Variants in AP1M2 observed in about 807,000 individuals in gnomAD.
The protein encoded by AP1M2 is AP-1 complex subunit mu-2.
Under a neutral mutation model 54.6 loss-of-function variants are expected in AP1M2, and 41 were observed. The observed-to-expected ratio is 0.75, with a 90% confidence interval of 0.59 to 0.97. AP1M2 has a LOEUF of 0.97. Among genes scored for constraint, AP1M2 ranks in the 50% least tolerant of loss-of-function variants. AP1M2 has a pLI of 0.00. For synonymous variants in AP1M2, 219 were observed against 215.9 expected, an observed-to-expected ratio of 1.01 and a Z score of -0.13; for missense variants, 507 against 561.2, an observed-to-expected ratio of 0.90 and a Z score of 0.98.
In AP1M2 at chr19:10,583,589, G is replaced by A. The variant is rs759204708; in HGVS notation, c.267+17C>T. 6.3e-7 allele frequency: 1 copy of A among 1,579,364 alleles called. No homozygotes were observed. The highest frequency in any genetic ancestry group is 8.7e-7 in the Non-Finnish European group (1 of 1,152,706). On this transcript the variant is annotated intron_variant, in intron 3 of 11. Coordinates refer to ENST00000250244, the MANE Select transcript of AP1M2 (RefSeq NM_005498.5). ...TAGACGGATAGACCAGTTAGCCAAT[G>A]GGAGGCTAGTACCTACCTCTATTGT...
At position 10,581,737 on chromosome 19, in the gene AP1M2, G is replaced by C; in HGVS notation, c.398+11C>G. The C allele has an allele frequency of 6.2e-7, 1 of 1,613,018 alleles. No individual in the cohort carries two copies. The highest frequency in any genetic ancestry group is 8.5e-7 in the Non-Finnish European group (1 of 1,179,664). On this transcript the variant is annotated intron_variant, in intron 4 of 11. Coordinates refer to ENST00000250244, the MANE Select transcript of AP1M2 (RefSeq NM_005498.5). ...AGTCCAGCCCATGGCTGCCTCCAGG[G>C]GTCCACTCACTCCTGCAGGATCTTG...
At chr19:10,582,556 T>C (rs1463088483) in intron 3 of AP1M2, among the ~76,000 whole-genome samples, 1 of 151,860 alleles carries the variant, frequency 6.6e-6, no homozygotes, top group Non-Finnish European at 1.5e-5. Flanking sequence ...TGAGACCAGC[T>C]GGCCAACATG....
intron 1 of AP1M2, chr19:10,584,938 AAAC>A (rs1172081534): frequency 6.6e-6 from 1 of 151,820 alleles, no homozygotes; most frequent in Non-Finnish European, 1.5e-5. Flanking sequence ...CAAAAAAAAA[AAAC>A]AAAGAAGAGG....
intron 3 of AP1M2, 62 bp from the exon 4 acceptor site, chr19:10,581,940 A>C: frequency 9.5e-5 from 142 of 1,495,594 alleles, no homozygotes; most frequent in Middle Eastern, 4.5e-4. Flanking sequence ...ATAGTAGCTC[A>C]TGCCTGTAAC....
intron 9 of AP1M2, among the ~76,000 whole-genome samples, chr19:10,576,885 T>G (rs1273024949): frequency 1.3e-5 from 2 of 151,904 alleles, no homozygotes; most frequent in Non-Finnish European, 2.9e-5. Flanking sequence ...TTTTGTACTT[T>G]TACTAGAGAC....
intron 7 of AP1M2, among the ~76,000 whole-genome samples, chr19:10,579,271 C>T (rs962474504): frequency 2.0e-5 from 3 of 151,912 alleles, no homozygotes; most frequent in African/African-American, 7.2e-5. Context: ...AAAAAATTAG[C>T]TGGACACGGT....
chr19:10,574,358 G>A lies in AP1M2; in HGVS notation c.1249+59C>T, dbSNP rs114991947. 7.3e-4 allele frequency: 979 copies of A among 1,345,398 alleles called. 9 individuals carry two copies. The African/African-American group carries it at 0.012, about 17-fold the overall frequency. The allele number at this position is 1,345,398 out of a possible 1,614,324, so 83.3% of individuals were successfully genotyped here. The stretch of plus-strand genomic sequence containing the variant: ...TGAGCCAGAATGTGGTGAAAGCCTC[G>A]AGTCCCTACCCACTGCCTTTCCCTC... On this transcript the variant is annotated intron_variant, in intron 11 of 11. Coordinates refer to ENST00000250244, the MANE Select transcript of AP1M2 (RefSeq NM_005498.5).
chr19:10,581,204 C>G lies in AP1M2; in HGVS notation c.673+62G>C, dbSNP rs1051961547. ...GGGCTGCGATTCTCTTAAGTCCCCA[C>G]GTGGGGCGGGTTTGCGACTCCCCTG... On this transcript the variant is annotated intron_variant, in intron 6 of 11. Coordinates refer to ENST00000250244, the MANE Select transcript of AP1M2 (RefSeq NM_005498.5). 5 of 1,548,068 alleles carry G rather than the reference C, an allele frequency of 3.2e-6. No homozygotes were observed. The Admixed American group carries it at 8.0e-5, about 25-fold the overall frequency.
chr19:10,584,558 G>A (rs1003518976), intron 1 of AP1M2, among the ~76,000 whole-genome samples: 2 of 151,524 alleles, frequency 1.3e-5, no homozygotes, highest in Admixed American at 6.6e-5. Flanking sequence ...CCAGCCTGGC[G>A]ACAGAGCAAG....
chr19:10,576,252 C>T lies in AP1M2; in HGVS notation c.1047+946G>A, dbSNP rs1406739326. Among the ~76,000 whole-genome samples the T allele has an allele frequency of 1.1e-4, 15 of 142,310 alleles. No homozygotes were observed. In the East Asian group the frequency reaches 1.8e-3, roughly 17 times the overall value. 93.4% of individuals were successfully genotyped at this position (142,310 alleles called of 152,430 possible). A position where few individuals can be genotyped will look rare whatever the true frequency, so the allele number is the denominator to read the frequency against. On this transcript the variant is annotated intron_variant, in intron 9 of 11. Coordinates refer to ENST00000250244, the MANE Select transcript of AP1M2 (RefSeq NM_005498.5). ...TACTACAGGCGCACACCCCCATGCC[C>T]GGCTAATTTTTTTTTTTTTTTTTTT...
chr19:10,583,817 C>T, intron 2 of AP1M2, 97 bp downstream of exon 2: 1 of 1,500,182 alleles, frequency 6.7e-7, no homozygotes, highest in Non-Finnish European at 9.0e-7. Context: ...ATGTGCGGTG[C>T]AACTCCTGTC....
chr19:10,586,380 G>A (rs979538288), intron 1 of AP1M2, among the ~76,000 whole-genome samples: 13 of 149,620 alleles, frequency 8.7e-5, no homozygotes, highest in African/African-American at 2.5e-4. Flanking sequence ...GCTTCAACCC[G>A]GGAGGTGGAG....
intron 6 of AP1M2, among the ~76,000 whole-genome samples, chr19:10,580,922 T>TCCAG (rs1372432217): frequency 6.6e-6 from 1 of 151,998 alleles, no homozygotes; most frequent in Non-Finnish European, 1.5e-5. Context: ...ACCACTGCAC[T>TCCAG]CCAGCCTGGG....
In AP1M2 at chr19:10,587,196, C is replaced by CT. The variant is rs1453892444; in HGVS notation, c.35dup (p.Lys14GlnfsTer18). ...TCCTCATGCCCAGCCTCACCTTGCC[C>CT]TTAACGTCCAGAATGAAGACAGCCG... On this transcript the variant is annotated frameshift_variant, in exon 1 of 12. Coordinates refer to ENST00000250244, the MANE Select transcript of AP1M2 (RefSeq NM_005498.5). LOFTEE classifies it high-confidence loss of function. The CT allele has an allele frequency of 1.3e-6, 2 of 1,558,912 alleles. No individual in the cohort carries two copies. The highest frequency in any genetic ancestry group is 1.7e-6 in the Non-Finnish European group (2 of 1,151,348).
At chr19:10,574,581 A>G in intron 10 of AP1M2, 89 bp from the exon 11 acceptor site, 1 of 1,168,548 alleles carries the variant, frequency 8.6e-7, no homozygotes, top group East Asian at 2.6e-5. Flanking sequence ...CCAAGCGGCT[A>G]TGTGGCACAG....
At chr19:10,580,647 G>A (rs12978228) in intron 6 of AP1M2, among the ~76,000 whole-genome samples, 1 of 151,686 alleles carries the variant, frequency 6.6e-6, no homozygotes, top group Non-Finnish European at 1.5e-5. Flanking sequence ...GGGTGACGGA[G>A]CGAGACTCCA....
Position 10,583,644 on chromosome 19 carries a change from C to CA in AP1M2, c.228dup (p.Ala77CysfsTer10). The CA allele has an allele frequency of 6.2e-7, 1 of 1,613,478 alleles. No homozygotes were observed. Among genetic ancestry groups the CA allele is most frequent in the African/African-American group, 1.3e-5 (1 of 75,030 alleles). On this transcript the variant is annotated frameshift_variant, in exon 3 of 12. Coordinates refer to ENST00000250244, the MANE Select transcript of AP1M2 (RefSeq NM_005498.5). LOFTEE classifies it high-confidence loss of function. ...TACAGGAAGGAGTACACCAGGGAGG[C>CA]ATTGGCATTCTTCGATGTGGTGGCC...
chr19:10,584,415 C>T (rs1917565416), intron 1 of AP1M2, among the ~76,000 whole-genome samples: 1 of 152,084 alleles, frequency 6.6e-6, no homozygotes, highest in African/African-American at 2.4e-5. Context: ...CCCGTCTTTA[C>T]TAAAAATACA....
At chr19:10,580,053 T>G (rs961174219) in intron 6 of AP1M2, among the ~76,000 whole-genome samples, 195 bp from the exon 7 acceptor site, 3 of 145,740 alleles carry the variant, frequency 2.1e-5, no homozygotes, top group African/African-American at 7.6e-5. Context: ...GGTTTTTTTT[T>G]TTTTTTTTTT....
Sources: gnomAD v4.1 joint callset for allele counts (sites outside exome capture counted in the v4.1 genomes callset) on GRCh38, gnomAD v4.1.1 for gene constraint, MANE v1.5 for transcripts, NCBI Gene and HGNC (gene_info 2026-07-23, HGNC 2026-07-21) for gene names.